STXBP4: variants seen among roughly 807,000 people sequenced by gnomAD.
STXBP4 encodes syntaxin binding protein 4, also known as syntaxin-binding protein 4.
A neutral mutation model predicts 76.1 loss-of-function variants in STXBP4; 55 were observed. The observed-to-expected ratio is 0.72, with a 90% CI of 0.58 to 0.91. STXBP4 has a LOEUF of 0.91. Ranked by LOEUF, STXBP4 falls within the 40% of genes least tolerant of loss-of-function variation. The pLI is 0.00. For synonymous variants in STXBP4, 201 were observed against 220.2 expected (o/e 0.91, Z 0.77); for missense variants, 618 against 636.9 (o/e 0.97, Z 0.32).
intron 16 of STXBP4, among the ~76,000 whole-genome samples, chr17:55,129,163 T>G (rs1242216162): frequency 6.7e-6 from 1 of 150,202 alleles, no homozygotes; most frequent in Non-Finnish European, 1.5e-5. Flanking sequence ...CTCTTCACCT[T>G]GTGATCCGCC....
At position 55,136,373 on chromosome 17, in the gene STXBP4, C is replaced by T. The variant is rs78199983; in HGVS notation, c.1490-4937C>T. On this transcript the variant is annotated intron_variant, in intron 16 of 17. Transcript: ENST00000376352. ...GCTGGCTTCTACTGGCTTGCAAGAA[C>T]TTTGTGAGCCAATTGTCAAACATAA... is the stretch of plus-strand genomic sequence containing the variant. Among the ~76,000 whole-genome samples the T allele has an allele frequency of 2.9e-3, 439 of 152,104 alleles. 9 individuals are homozygous for T. Among genetic ancestry groups the T allele is most frequent in the East Asian group, 0.025 (132 of 5,184 alleles).
intron 16 of STXBP4, among the ~76,000 whole-genome samples, chr17:55,132,338 G>C (rs1390035530): frequency 2.0e-5 from 3 of 151,908 alleles, no homozygotes; most frequent in Non-Finnish European, 2.9e-5. Context: ...TTACAGGTGT[G>C]TGCCACCACG....
At chr17:55,124,241 C>A (rs948439712) in intron 16 of STXBP4, among the ~76,000 whole-genome samples, 1 of 152,040 alleles carries the variant, frequency 6.6e-6, no homozygotes, top group African/African-American at 2.4e-5. Flanking sequence ...GGAAGATGTG[C>A]AAATTGAGAA....
the STXBP4 span, among the ~76,000 whole-genome samples, chr17:55,208,154 G>T: frequency 1.3e-5 from 2 of 151,282 alleles, no homozygotes; most frequent in African/African-American, 4.9e-5. Context: ...GAAATTCTTT[G>T]GTCAATTTAG....
rs981827764 is a variant in STXBP4, at chr17:55,169,820, G to C, written c.*9909G>C. The C allele has an allele frequency of 4.6e-5, 7 of 152,176 alleles. No individual in the cohort carries two copies. The highest frequency in any genetic ancestry group is 1.0e-4 in the Non-Finnish European group (7 of 68,032). 9.4% of individuals were successfully genotyped at this position (152,176 alleles called of 1,614,324 possible). Reference sequence around the variant, plus strand: ...TTTGTCCCTGGACATTCAAGCAATTGAATGTCTAAACAATCCAAGACAGAT... The same window carrying C: ...TTTGTCCCTGGACATTCAAGCAATTCAATGTCTAAACAATCCAAGACAGAT... On this transcript the variant is annotated 3_prime_UTR_variant, in exon 18 of 18. Coordinates refer to ENST00000376352, the MANE Select transcript of STXBP4 (RefSeq NM_178509.6).
chr17:55,174,000 C>T (rs2145220018), downstream of STXBP4, among the ~76,000 whole-genome samples: 1 of 152,334 alleles, frequency 6.6e-6, no homozygotes, highest in Middle Eastern at 3.4e-3. Flanking sequence ...CTTCTCTCAT[C>T]CTCTCTGAAC....
At chr17:55,123,636 C>A (rs2079871864) in intron 16 of STXBP4, among the ~76,000 whole-genome samples, 1 of 152,166 alleles carries the variant, frequency 6.6e-6, no homozygotes, top group African/African-American at 2.4e-5. Context: ...TGCGGTGGCT[C>A]ATGCCTGTAA....
rs2079212308 is a variant in STXBP4, at chr17:55,078,279, T to G, written c.1305+85T>G. ...GATAAATGTTACTGTATTTGGTACC[T>G]AGTGAAACATTCTCTAGTCTCAAAG... On this transcript the variant is annotated intron_variant, in intron 14 of 17. Coordinates refer to ENST00000376352, the MANE Select transcript of STXBP4 (RefSeq NM_178509.6). 7.0e-6 allele frequency: 6 copies of G among 852,122 alleles called. No individual in the cohort carries two copies. In the South Asian group the frequency reaches 1.0e-4, roughly 15 times the overall value. 52.8% of individuals were successfully genotyped at this position (852,122 alleles called of 1,614,324 possible). A position where few individuals can be genotyped will look rare whatever the true frequency, so the allele number is the denominator to read the frequency against.
At chr17:55,015,912 T>C (rs1331097615) in intron 8 of STXBP4, among the ~76,000 whole-genome samples, 1 of 152,244 alleles carries the variant, frequency 6.6e-6, no homozygotes, top group Non-Finnish European at 1.5e-5. Flanking sequence ...GATCTAGCTG[T>C]AAGATGGTGT....
At chr17:54,977,162 A>C (rs188824838) in intron 1 of STXBP4, among the ~76,000 whole-genome samples, 2 of 152,332 alleles carry the variant, frequency 1.3e-5, no homozygotes, top group South Asian at 4.1e-4. Flanking sequence ...CCCCCAAGAC[A>C]AATGAGTAGC....
intron 16 of STXBP4, among the ~76,000 whole-genome samples, chr17:55,098,195 C>T (rs113739098): frequency 4.1e-4 from 62 of 152,192 alleles, no homozygotes; most frequent in African/African-American, 1.1e-3. Flanking sequence ...TCTGAGAACA[C>T]GTGAGAAACC....
chr17:55,016,719 G>A (rs2078214025), intron 8 of STXBP4, among the ~76,000 whole-genome samples: 1 of 152,198 alleles, frequency 6.6e-6, no homozygotes, highest in African/African-American at 2.4e-5. Flanking sequence ...TGGTAATTAA[G>A]ATTTAAATCC....
At chr17:55,088,427 A>G (rs2079366522) in intron 16 of STXBP4, among the ~76,000 whole-genome samples, 1 of 152,136 alleles carries the variant, frequency 6.6e-6, no homozygotes, top group South Asian at 2.1e-4. Flanking sequence ...CTAGAAGACA[A>G]TTCTGTTGCC....
chr17:55,187,028 G>A, the STXBP4 span, among the ~76,000 whole-genome samples: 2 of 152,238 alleles, frequency 1.3e-5, no homozygotes. Context: ...AGGCTGTGGG[G>A]CGAAGAAATA....
At chr17:55,192,923 G>T in the STXBP4 span, among the ~76,000 whole-genome samples, 3 of 152,126 alleles carry the variant, frequency 2.0e-5, no homozygotes, top group African/African-American at 7.2e-5. Flanking sequence ...AATTCACACA[G>T]CCAATAGTTA....
At chr17:55,003,347 TA>T (rs1309728285) in intron 7 of STXBP4, among the ~76,000 whole-genome samples, 1 of 152,158 alleles carries the variant, frequency 6.6e-6, no homozygotes, top group East Asian at 1.9e-4. Context: ...AAGTTATAGG[TA>T]AATATTAAAA....
intron 12 of STXBP4, among the ~76,000 whole-genome samples, chr17:55,062,703 A>G (rs952087915): frequency 2.0e-5 from 3 of 152,154 alleles, no homozygotes; most frequent in African/African-American, 7.2e-5. Context: ...GAACTAATTT[A>G]CACTCCCACC....
intron 12 of STXBP4, among the ~76,000 whole-genome samples, chr17:55,053,238 G>A (rs1384606645): frequency 6.6e-6 from 1 of 151,916 alleles, no homozygotes; most frequent in Non-Finnish European, 1.5e-5. Context: ...TAGGAAATAT[G>A]TGGTTATATA....
chr17:55,099,448 T>C (rs762737344), intron 16 of STXBP4, among the ~76,000 whole-genome samples: 2 of 152,254 alleles, frequency 1.3e-5, no homozygotes, highest in African/African-American at 2.4e-5. Context: ...GCATATAGCC[T>C]ATTGATCCTA....
Sources: gnomAD v4.1 joint callset for allele counts (sites outside exome capture counted in the v4.1 genomes callset) on GRCh38, gnomAD v4.1.1 for gene constraint, MANE v1.5 for transcripts, NCBI Gene and HGNC (gene_info 2026-07-23, HGNC 2026-07-21) for gene names.